Variants in MSRA observed in about 807,000 individuals in gnomAD.
MSRA encodes the protein mitochondrial peptide methionine sulfoxide reductase.
MSRA carries 54 observed loss-of-function variants against 31.3 expected under a neutral mutation model. That is an observed-to-expected ratio of 1.73 (90% CI 1.39 to 2.17). The LOEUF (loss-of-function observed/expected upper bound fraction) is 2.17. Ranked by LOEUF, MSRA falls within the 30% of genes most tolerant of loss-of-function variation. The pLI, the probability that MSRA is intolerant of heterozygous loss-of-function variation, is 0.00. For missense variants in MSRA, 507 were observed against 300.9 expected, an observed-to-expected ratio of 1.69 and a Z score of -5.07; for synonymous variants, 169 against 116.5, an observed-to-expected ratio of 1.45 and a Z score of -2.90.
At chr8:10,131,699 C>G (rs1801910308) in intron 1 of MSRA, among the ~76,000 whole-genome samples, 1 of 152,192 alleles carries the variant, frequency 6.6e-6, no homozygotes, top group Non-Finnish European at 1.5e-5. Flanking sequence ...TCTCAGAGAT[C>G]TTGCCGTCTC....
intron 1 of MSRA, among the ~76,000 whole-genome samples, chr8:10,087,704 T>G (rs1044029587): frequency 1.4e-4 from 21 of 152,230 alleles, no homozygotes; most frequent in African/African-American, 5.1e-4. Context: ...TAGCTCACAT[T>G]GTAAATATTC....
intron 1 of MSRA, among the ~76,000 whole-genome samples, chr8:10,075,145 C>G (rs1408632875): frequency 2.0e-5 from 3 of 152,076 alleles, no homozygotes; most frequent in African/African-American, 7.2e-5. Context: ...TATTGTATTT[C>G]TGTTTTCTGT....
chr8:10,324,163 G>T (rs940721176), intron 5 of MSRA, among the ~76,000 whole-genome samples: 1 of 152,216 alleles, frequency 6.6e-6, no homozygotes, highest in Non-Finnish European at 1.5e-5. Flanking sequence ...ACATGTGGCT[G>T]TTGAGCACTT....
intron 4 of MSRA, among the ~76,000 whole-genome samples, chr8:10,313,118 A>C (rs1479895122): frequency 6.6e-6 from 1 of 152,210 alleles, no homozygotes; most frequent in African/African-American, 2.4e-5. Flanking sequence ...TGAAGTGGTC[A>C]TGTGACTGAG....
At chr8:10,173,923 G>C (rs1344969165) in intron 1 of MSRA, among the ~76,000 whole-genome samples, 1 of 152,216 alleles carries the variant, frequency 6.6e-6, no homozygotes, top group Non-Finnish European at 1.5e-5. Context: ...AATGGTCCCA[G>C]CGTGCTGTGG....
chr8:10,276,859 G>A (rs1380778757), intron 3 of MSRA, among the ~76,000 whole-genome samples: 2 of 152,024 alleles, frequency 1.3e-5, no homozygotes, highest in East Asian at 1.9e-4. Flanking sequence ...ATGATTTATC[G>A]TTCCCTTTAA....
intron 5 of MSRA, among the ~76,000 whole-genome samples, chr8:10,376,616 A>G (rs1471922112): frequency 6.6e-6 from 1 of 152,218 alleles, no homozygotes; most frequent in Non-Finnish European, 1.5e-5. Context: ...GTAAGTGCTT[A>G]ATAAATAGTA....
intron 1 of MSRA, among the ~76,000 whole-genome samples, chr8:10,080,000 C>T (rs1798206659): frequency 6.6e-6 from 1 of 152,218 alleles, no homozygotes; most frequent in African/African-American, 2.4e-5. Context: ...AGCACTTTCT[C>T]TCTTCCCGTC....
At chr8:10,086,678 C>T (rs1245880083) in intron 1 of MSRA, among the ~76,000 whole-genome samples, 2 of 151,974 alleles carry the variant, frequency 1.3e-5, no homozygotes, top group Admixed American at 1.3e-4. Context: ...TTTCACTTTT[C>T]ATTTATTTCA....
At chr8:10,371,941 G>C (rs1805501248) in intron 5 of MSRA, among the ~76,000 whole-genome samples, 1 of 152,184 alleles carries the variant, frequency 6.6e-6, no homozygotes, top group Admixed American at 6.5e-5. Context: ...CCTTACACAT[G>C]AGAAAGTGTA....
chr8:10,335,160 C>A (rs1585506274), intron 5 of MSRA, among the ~76,000 whole-genome samples: 1 of 151,850 alleles, frequency 6.6e-6, no homozygotes, highest in African/African-American at 2.4e-5. Context: ...TCAGCTTCTC[C>A]ATGGAATGGG....
At chr8:10,071,553 T>G (rs1412571974) in intron 1 of MSRA, among the ~76,000 whole-genome samples, 1 of 152,052 alleles carries the variant, frequency 6.6e-6, no homozygotes, top group African/African-American at 2.4e-5. Flanking sequence ...GGATCATGTT[T>G]TCATGTCAAG....
At chr8:10,185,411 C>A (rs1806945175) in intron 1 of MSRA, among the ~76,000 whole-genome samples, 1 of 152,118 alleles carries the variant, frequency 6.6e-6, no homozygotes, top group Non-Finnish European at 1.5e-5. Context: ...GCAAAACGAT[C>A]TGATGATGAG....
intron 1 of MSRA, among the ~76,000 whole-genome samples, chr8:10,096,957 C>T (rs1799197874): frequency 6.6e-6 from 1 of 152,170 alleles, no homozygotes; most frequent in African/African-American, 2.4e-5. Context: ...TATCTATTCA[C>T]ATAAGTACTC....
intron 3 of MSRA, among the ~76,000 whole-genome samples, chr8:10,279,220 C>T (rs1799487848): frequency 1.3e-5 from 2 of 152,090 alleles, no homozygotes; most frequent in African/African-American, 2.4e-5. Flanking sequence ...ATGATTAAAG[C>T]GTGCATTGCG....
intron 1 of MSRA, among the ~76,000 whole-genome samples, chr8:10,118,220 C>G (rs1462709894): frequency 1.3e-5 from 2 of 152,142 alleles, no homozygotes; most frequent in East Asian, 1.9e-4. Flanking sequence ...CAGCTATAAT[C>G]AGTCACTGGA....
At chr8:10,376,123 T>A (rs1805743970) in intron 5 of MSRA, among the ~76,000 whole-genome samples, 1 of 152,154 alleles carries the variant, frequency 6.6e-6, no homozygotes, top group Non-Finnish European at 1.5e-5. Flanking sequence ...CGACTCACAT[T>A]TCTGACAATC....
chr8:10,135,583 G>A (rs1802214981), intron 1 of MSRA, among the ~76,000 whole-genome samples: 1 of 152,128 alleles, frequency 6.6e-6, no homozygotes, highest in Non-Finnish European at 1.5e-5. Flanking sequence ...CTATGGTCAG[G>A]CAAAGGTATG....
intron 3 of MSRA, among the ~76,000 whole-genome samples, chr8:10,293,932 G>T (rs1800389174): frequency 6.6e-6 from 1 of 152,142 alleles, no homozygotes; most frequent in African/African-American, 2.4e-5. Context: ...GGCCAGGCAT[G>T]GTGGCTCATG....
Sources: gnomAD v4.1 joint callset for allele counts (sites outside exome capture counted in the v4.1 genomes callset) on GRCh38, gnomAD v4.1.1 for gene constraint, MANE v1.5 for transcripts, NCBI Gene and HGNC (gene_info 2026-07-23, HGNC 2026-07-21) for gene names.